GDPD5: variants seen among roughly 807,000 people sequenced by gnomAD.
The protein encoded by GDPD5 is glycerophosphodiester phosphodiesterase domain containing 5, also known as glycerophosphodiester phosphodiesterase 2.
A neutral mutation model predicts 75.1 loss-of-function variants in GDPD5; 48 were observed. The observed-to-expected ratio is 0.64, with a 90% CI of 0.51 to 0.81. The LOEUF (loss-of-function observed/expected upper bound fraction) is 0.81, where lower values mean the gene tolerates loss of function less well. Ranked by LOEUF, GDPD5 falls within the 40% of genes least tolerant of loss-of-function variation. The probability of loss-of-function intolerance (pLI) is 0.00; values close to 1 mark genes in which losing one functional copy is unlikely to be tolerated. For missense variants in GDPD5, 706 were observed against 822.6 expected, an observed-to-expected ratio of 0.86 and a Z score of 1.73; for synonymous variants, 336 against 339.0, an observed-to-expected ratio of 0.99 and a Z score of 0.10.
At chr11:75,522,061 G>A (rs1050268236) in intron 1 of GDPD5, among the ~76,000 whole-genome samples, 6 of 151,642 alleles carry the variant, frequency 4.0e-5, no homozygotes, top group African/African-American at 1.5e-4. Flanking sequence ...ACCCCACCAA[G>A]CCATCCTCCT....
chr11:75,481,188 A>AG (rs1056385354), intron 2 of GDPD5, among the ~76,000 whole-genome samples: 1 of 152,092 alleles, frequency 6.6e-6, no homozygotes, highest in Non-Finnish European at 1.5e-5. Context: ...TTGGTAGATG[A>AG]GCTCCTAAGA....
intron 1 of GDPD5, chr11:75,507,193 C>T (rs1399959533): frequency 6.6e-6 from 1 of 152,280 alleles, no homozygotes; most frequent in Non-Finnish European, 1.5e-5. Flanking sequence ...TCAGTGTCTG[C>T]TCTGTGCCAG....
At chr11:75,476,502 C>A (rs1949781519) in intron 3 of GDPD5, among the ~76,000 whole-genome samples, 2 of 151,998 alleles carry the variant, frequency 1.3e-5, no homozygotes, top group South Asian at 4.1e-4. Context: ...AGAGGGAAAG[C>A]TGTGACATAT....
At chr11:75,501,347 T>C (rs1950300956) in intron 1 of GDPD5, among the ~76,000 whole-genome samples, 1 of 152,188 alleles carries the variant, frequency 6.6e-6, no homozygotes, top group African/African-American at 2.4e-5. Context: ...TGCAAACACA[T>C]GCGAACACAC....
chr11:75,467,563 G>A (rs1949543967), intron 3 of GDPD5, among the ~76,000 whole-genome samples: 1 of 152,156 alleles, frequency 6.6e-6, no homozygotes. Flanking sequence ...AAGCTGAGTG[G>A]GCTGGGGCTG....
chr11:75,499,016 C>A (rs529883743), intron 1 of GDPD5, among the ~76,000 whole-genome samples: 1 of 152,146 alleles, frequency 6.6e-6, no homozygotes, highest in Admixed American at 6.5e-5. Context: ...TCTGCTTCTA[C>A]GTTTCCTATT....
chr11:75,469,129 C>T (rs558389709), intron 3 of GDPD5, among the ~76,000 whole-genome samples: 28 of 152,366 alleles, frequency 1.8e-4, no homozygotes, highest in Non-Finnish European at 7.3e-5. Context: ...ATTGCCTTCC[C>T]CCAACCCAGG....
intron 3 of GDPD5, among the ~76,000 whole-genome samples, chr11:75,474,656 G>T (rs887674349): frequency 3.3e-5 from 5 of 152,100 alleles, no homozygotes; most frequent in Admixed American, 2.0e-4. Flanking sequence ...GTGTCAGGCT[G>T]GGGGGCAGGA....
At chr11:75,443,890 C>G (rs563520362) in intron 10 of GDPD5, among the ~76,000 whole-genome samples, 1 of 152,218 alleles carries the variant, frequency 6.6e-6, no homozygotes, top group East Asian at 1.9e-4. Context: ...TATGTCTATA[C>G]TGGGAACAAT....
chr11:75,441,671 T>A lies in GDPD5; in HGVS notation c.1300A>T (p.Thr434Ser). 2.5e-6 allele frequency: 4 copies of A among 1,596,506 alleles called. No individual in the cohort carries two copies. The highest frequency in any genetic ancestry group is 3.4e-6 in the Non-Finnish European group (4 of 1,172,668). ...CTGAGCTCCTGGCGGGACACCTGAGTGTAGCGCAGGTTCAGCCGCTGGATG... is the reference window on the plus strand; with the variant it reads ...CTGAGCTCCTGGCGGGACACCTGAGAGTAGCGCAGGTTCAGCCGCTGGATG... Reference protein sequence around the residue: ...GHIQRLNLRYTQVSRQELRDY... With the variant: ...GHIQRLNLRYSQVSRQELRDY... The change falls in exon 13 of 17, where the codon ACT becomes TCT. Residue 434 changes from threonine to serine, a missense_variant. Physicochemically the swap from Thr to Ser is moderately conservative, Grantham distance 58. Coordinates refer to ENST00000336898, the MANE Select transcript of GDPD5 (RefSeq NM_030792.8).
chr11:75,449,475 C>T (rs112488217), intron 8 of GDPD5, 42 bp downstream of exon 8: 1 of 1,525,016 alleles, frequency 6.6e-7, no homozygotes, highest in South Asian at 1.2e-5. Context: ...GTCTTGGCAC[C>T]TGCAGGGATT....
intron 1 of GDPD5, among the ~76,000 whole-genome samples, chr11:75,512,281 G>GACACACACACACACACAC (rs145862089): frequency 0.084 from 10,356 of 122,972 alleles, 870 homozygotes; most frequent in Admixed American, 0.1. Flanking sequence ...AATTGGGAAG[G>GACACACACACACACACAC]ACACACACAC....
At position 75,439,819 on chromosome 11, in the gene GDPD5, G is replaced by T. The variant is rs182655406; in HGVS notation, c.1556+60C>A. On this transcript the variant is annotated intron_variant, in intron 15 of 16. Coordinates refer to ENST00000336898, the MANE Select transcript of GDPD5 (RefSeq NM_030792.8). Reference sequence around the variant, plus strand: ...TCAGGAGAGGGTTCACCTGGCTGGGGTGGGGGCTGGGCCTGCTGCAGGGTA... The same window carrying T: ...TCAGGAGAGGGTTCACCTGGCTGGGTTGGGGGCTGGGCCTGCTGCAGGGTA... 63 of 1,377,296 alleles carry T rather than the reference G, an allele frequency of 4.6e-5. No individual in the cohort carries two copies. In the Admixed American group the frequency reaches 8.4e-4, roughly 18 times the overall value. 85.3% of individuals were successfully genotyped at this position (1,377,296 alleles called of 1,614,324 possible). A position where few individuals can be genotyped will look rare whatever the true frequency, so the allele number is the denominator to read the frequency against.
In GDPD5 at chr11:75,441,783, C is replaced by A; in HGVS notation, c.1188G>T (p.Arg396Ser). 1 of 1,609,652 alleles carries A rather than the reference C, an allele frequency of 6.2e-7. No individual in the cohort carries two copies. Among genetic ancestry groups the A allele is most frequent in the Non-Finnish European group, 8.5e-7 (1 of 1,179,760 alleles). Residue 396 changes from arginine (R) to serine (S), a missense_variant, in exon 13 of 17, where the codon AGG (arginine) becomes AGT (serine). Transcript: ENST00000336898. ...CCACCTTCCGCACCAGGGGCCTCTG[C>A]CTGCTAGGCAGCCACATGACCTGCA... The part of the protein sequence containing the change: ...PQHQVMWLPS[R>S]QRPLVRKVAP...
chr11:75,441,773 G>C lies in GDPD5; in HGVS notation c.1198C>G (p.Leu400Val), dbSNP rs1411425805. 7.5e-6 allele frequency: 12 copies of C among 1,610,578 alleles called. No homozygotes were observed. The highest frequency in any genetic ancestry group is 1.0e-5 in the Non-Finnish European group (12 of 1,179,884). ...AAGCCGGGAGCCACCTTCCGCACCA[G>C]GGGCCTCTGCCTGCTAGGCAGCCAC... The part of the protein sequence containing the change: ...VMWLPSRQRP[L>V]VRKVAPGFQQ... The change falls in exon 13 of 17, where the codon CTG becomes GTG. Residue 400 changes from leucine (L) to valine (V), a missense_variant. By Grantham distance (32) the Leu-to-Val change is conservative. Coordinates refer to ENST00000336898, the MANE Select transcript of GDPD5 (RefSeq NM_030792.8).
intron 1 of GDPD5, among the ~76,000 whole-genome samples, chr11:75,503,530 C>T (rs932286249): frequency 2.0e-5 from 3 of 152,252 alleles, no homozygotes; most frequent in Admixed American, 2.0e-4. Flanking sequence ...AGAATCCACA[C>T]TATTCACTGC....
intron 1 of GDPD5, among the ~76,000 whole-genome samples, chr11:75,514,914 G>T (rs1177650812): frequency 1.3e-5 from 2 of 152,236 alleles, no homozygotes; most frequent in Admixed American, 1.3e-4. Context: ...TTTCAAACCA[G>T]CCTGGAAGGT....
chr11:75,503,344 C>T (rs1410673604), intron 1 of GDPD5, among the ~76,000 whole-genome samples: 3 of 152,320 alleles, frequency 2.0e-5, no homozygotes, highest in African/African-American at 7.2e-5. Flanking sequence ...TATAAAGTCA[C>T]TAAATTTTGG....
In GDPD5 at chr11:75,499,394, C is replaced by CTTT. The variant is rs376714511; in HGVS notation, c.-144-9077_-144-9075dup. Among the ~76,000 whole-genome samples, 151 of 45,272 alleles carry CTTT rather than the reference C, an allele frequency of 3.3e-3. 2 individuals carry two copies. Among genetic ancestry groups the CTTT allele is most frequent in the African/African-American group, 5.9e-3 (133 of 22,604 alleles). The allele number at this position is 45,272 out of a possible 152,430, so 29.7% of individuals were successfully genotyped here. A position where few individuals can be genotyped will look rare whatever the true frequency, so the allele number is the denominator to read the frequency against. On this transcript the variant is annotated intron_variant, in intron 1 of 16. Coordinates refer to ENST00000336898, the MANE Select transcript of GDPD5 (RefSeq NM_030792.8). The stretch of plus-strand genomic sequence containing the variant: ...ACTTTCCTTCTTTCTTCTTCTTTTC[C>CTTT]TTTTTTTTTTTTTTTTTTTTTTTAA...
Sources: gnomAD v4.1 joint callset for allele counts (sites outside exome capture counted in the v4.1 genomes callset) on GRCh38, gnomAD v4.1.1 for gene constraint, MANE v1.5 for transcripts, NCBI Gene and HGNC (gene_info 2026-07-23, HGNC 2026-07-21) for gene names.